CDKAL1: variants seen among roughly 807,000 people sequenced by gnomAD.
The protein encoded by CDKAL1 is threonylcarbamoyladenosine tRNA methylthiotransferase.
CDKAL1 carries 32 observed loss-of-function variants against 68.2 expected under a neutral mutation model. That is an observed-to-expected ratio of 0.47 (90% CI 0.35 to 0.63). The LOEUF is 0.63. Ranked by LOEUF, CDKAL1 falls within the 30% of genes least tolerant of loss-of-function variation. The pLI is 0.00. For synonymous variants in CDKAL1, 234 were observed against 244.3 expected (o/e 0.96, Z 0.39); for missense variants, 606 against 696.7 (o/e 0.87, Z 1.47).
intron 8 of CDKAL1, among the ~76,000 whole-genome samples, chr6:20,826,560 T>G (rs1172700462): frequency 6.6e-6 from 1 of 152,290 alleles, no homozygotes; most frequent in East Asian, 1.9e-4. Flanking sequence ...CTTTTTAGAC[T>G]GGTGCCAGAC....
At chr6:21,076,785 A>G (rs921868037) in intron 12 of CDKAL1, among the ~76,000 whole-genome samples, 5 of 152,140 alleles carry the variant, frequency 3.3e-5, no homozygotes, top group African/African-American at 7.2e-5. Context: ...TCTTATTCTT[A>G]TGCAACTTAA....
chr6:20,928,271 T>G (rs1397292651), intron 9 of CDKAL1, among the ~76,000 whole-genome samples: 1 of 152,232 alleles, frequency 6.6e-6, no homozygotes, highest in Non-Finnish European at 1.5e-5. Context: ...ATTTTGCAAG[T>G]AATTGTTCAA....
At chr6:20,963,049 A>G (rs1271583580) in intron 10 of CDKAL1, among the ~76,000 whole-genome samples, 1 of 152,220 alleles carries the variant, frequency 6.6e-6, no homozygotes, top group Non-Finnish European at 1.5e-5. Flanking sequence ...AAAAGGGCTC[A>G]TATACATTTT....
intron 13 of CDKAL1, among the ~76,000 whole-genome samples, chr6:21,154,257 T>C (rs1314432482): frequency 3.3e-5 from 5 of 152,252 alleles, no homozygotes; most frequent in South Asian, 2.1e-4. Flanking sequence ...GTTTGCTTTT[T>C]ATGTGCATGC....
rs147784526 is a variant in CDKAL1, at chr6:20,573,131, A to G, written c.286+24426A>G. 3.7e-3 allele frequency among the ~76,000 whole-genome samples: 556 copies of G among 152,258 alleles called. 6 individuals carry two copies. The highest frequency in any genetic ancestry group is 0.013 in the African/African-American group (534 of 41,562). On this transcript the variant is annotated intron_variant, in intron 4 of 15. Transcript: ENST00000274695. ...TTTTAAGGACCATGTTGCGCAACTC[A>G]TTGTTACACATTTCCTGTTTGCCTT...
intron 12 of CDKAL1, among the ~76,000 whole-genome samples, chr6:21,092,379 G>T (rs1324345535): frequency 6.6e-6 from 1 of 151,568 alleles, no homozygotes; most frequent in Non-Finnish European, 1.5e-5. Flanking sequence ...AAGCCCCACA[G>T]GCATTAGGTA....
At chr6:21,074,081 T>C (rs916681688) in intron 12 of CDKAL1, among the ~76,000 whole-genome samples, 2 of 152,202 alleles carry the variant, frequency 1.3e-5, no homozygotes, top group Non-Finnish European at 2.9e-5. Context: ...AAAGCTTCTA[T>C]AACAAAGTAC....
At chr6:20,686,287 G>A (rs191371656) in intron 5 of CDKAL1, among the ~76,000 whole-genome samples, 8 of 152,274 alleles carry the variant, frequency 5.3e-5, no homozygotes, top group Admixed American at 5.2e-4. Context: ...AGGCCGCATA[G>A]CAGGAGGTGA....
chr6:21,059,512 C>G (rs1393264797), intron 11 of CDKAL1, among the ~76,000 whole-genome samples: 1 of 152,212 alleles, frequency 6.6e-6, no homozygotes, highest in Non-Finnish European at 1.5e-5. Context: ...TGGGGTAGCA[C>G]AATCACTCAC....
chr6:21,073,019 C>A (rs547687329), intron 12 of CDKAL1, among the ~76,000 whole-genome samples: 2 of 152,324 alleles, frequency 1.3e-5, no homozygotes, highest in Admixed American at 1.3e-4. Flanking sequence ...CTGGCAACCA[C>A]TGATCTACTG....
intron 9 of CDKAL1, among the ~76,000 whole-genome samples, chr6:20,928,224 G>A (rs545038671): frequency 3.9e-5 from 6 of 152,268 alleles, no homozygotes; most frequent in African/African-American, 1.2e-4. Flanking sequence ...AAGGTGCCAC[G>A]GGCAGGCTGG....
At chr6:21,024,040 T>C (rs1201913136) in intron 11 of CDKAL1, among the ~76,000 whole-genome samples, 2 of 152,188 alleles carry the variant, frequency 1.3e-5, no homozygotes, top group Admixed American at 6.5e-5. Flanking sequence ...AAATATATGA[T>C]AGAGAGTAAA....
intron 12 of CDKAL1, among the ~76,000 whole-genome samples, chr6:21,077,084 C>A (rs1391898986): frequency 6.6e-6 from 1 of 152,060 alleles, no homozygotes; most frequent in Non-Finnish European, 1.5e-5. Context: ...CTTGAAATGC[C>A]TAATAATCTT....
intron 9 of CDKAL1, among the ~76,000 whole-genome samples, chr6:20,884,184 A>G (rs1187369857): frequency 6.6e-6 from 1 of 152,234 alleles, no homozygotes; most frequent in African/African-American, 2.4e-5. Context: ...TCAATATAAT[A>G]TAGCACATTA....
At chr6:20,997,830 T>C (rs748338384) in intron 10 of CDKAL1, among the ~76,000 whole-genome samples, 1 of 152,150 alleles carries the variant, frequency 6.6e-6, no homozygotes, top group Non-Finnish European at 1.5e-5. Flanking sequence ...TATTTATTGA[T>C]AGGTTCCCTG....
chr6:21,015,380 A>G (rs533837470), intron 11 of CDKAL1, among the ~76,000 whole-genome samples: 1 of 152,344 alleles, frequency 6.6e-6, no homozygotes, highest in Non-Finnish European at 1.5e-5. Flanking sequence ...GACCATGTAA[A>G]TAAGACCAAG....
intron 4 of CDKAL1, among the ~76,000 whole-genome samples, chr6:20,582,193 A>G (rs532778134): frequency 8.5e-5 from 13 of 152,260 alleles, no homozygotes; most frequent in African/African-American, 2.4e-4. Context: ...GAGATATGCT[A>G]TGTGCTGAGG....
At chr6:20,905,472 C>G (rs1561873418) in intron 9 of CDKAL1, among the ~76,000 whole-genome samples, 1 of 152,078 alleles carries the variant, frequency 6.6e-6, no homozygotes, top group Non-Finnish European at 1.5e-5. Context: ...TGAAACAGAT[C>G]AACATGTGCA....
intron 9 of CDKAL1, among the ~76,000 whole-genome samples, chr6:20,869,178 C>T (rs1351851012): frequency 6.6e-6 from 1 of 152,160 alleles, no homozygotes; most frequent in Non-Finnish European, 1.5e-5. Flanking sequence ...TGATGTAATT[C>T]ACAATCTCGG....
Sources: gnomAD v4.1 joint callset for allele counts (sites outside exome capture counted in the v4.1 genomes callset) on GRCh38, gnomAD v4.1.1 for gene constraint, MANE v1.5 for transcripts, NCBI Gene and HGNC (gene_info 2026-07-23, HGNC 2026-07-21) for gene names.